DIAPH2: variants seen among roughly 807,000 people sequenced by gnomAD.
DIAPH2 encodes protein diaphanous homolog 2.
DIAPH2 carries 35 observed loss-of-function variants against 92.7 expected under a neutral mutation model. That is an observed-to-expected ratio of 0.38 (90% CI 0.29 to 0.50). DIAPH2 has a LOEUF of 0.50. DIAPH2 is among the 20% of genes least tolerant of loss of function. The pLI is 0.94. For synonymous variants in DIAPH2, 301 were observed against 280.4 expected (o/e 1.07, Z -0.73); for missense variants, 701 against 819.5 (o/e 0.86, Z 1.77).
intron 21 of DIAPH2, among the ~76,000 whole-genome samples, chrX:97,115,704 A>G (rs1263424608): frequency 8.9e-6 from 1 of 112,031 alleles, no homozygotes; most frequent in African/African-American, 3.2e-5. Flanking sequence ...ATACTCTTCA[A>G]TGTCAAGTAG....
At position 97,073,006 on chromosome X, in the gene DIAPH2, C is replaced by A. The variant is rs776169316; in HGVS notation, c.2116C>A (p.Leu706Met). 1 of 1,203,024 alleles carries A rather than the reference C, an allele frequency of 8.3e-7. No individual in the cohort carries two copies. Among genetic ancestry groups the A allele is most frequent in the South Asian group, 1.8e-5 (1 of 55,485 alleles). ...GCCTACAAAGAAGAAAGTGAAAGAA[C>A]TGAGAATTTTGGATCCCAAAACAGC... ...TGPTKKKVKE[L>M]RILDPKTAQN... Residue 706 changes from leucine to methionine, a missense_variant, in exon 18 of 27, where the codon CTG becomes ATG. By Grantham distance (15) the Leu-to-Met change is conservative (BLOSUM62 2). This residue lies in a region of DIAPH2 where 536 missense variants were observed against 599.3 expected (regional missense o/e 0.89). Transcript: ENST00000324765.
At chrX:97,057,892 A>G (rs1456634866) in intron 17 of DIAPH2, among the ~76,000 whole-genome samples, 3 of 110,442 alleles carry the variant, frequency 2.7e-5, no homozygotes, top group Admixed American at 9.6e-5. Flanking sequence ...TCTAAACAAT[A>G]ATTTTCAGTT....
At chrX:97,302,113 T>G (rs1345043037) in intron 23 of DIAPH2, among the ~76,000 whole-genome samples, 2 of 101,478 alleles carry the variant, frequency 2.0e-5, no homozygotes, top group Non-Finnish European at 3.9e-5. Flanking sequence ...TTCAGGAGGT[T>G]GAAGCAGGAG....
intron 4 of DIAPH2, among the ~76,000 whole-genome samples, chrX:96,818,799 C>G (rs1310722167): frequency 1.8e-5 from 2 of 112,546 alleles, no homozygotes; most frequent in Non-Finnish European, 3.7e-5. Flanking sequence ...TTGCTGCTTT[C>G]AATATAACAA....
intron 4 of DIAPH2, among the ~76,000 whole-genome samples, chrX:96,841,774 A>G (rs1364296589): frequency 8.9e-6 from 1 of 112,332 alleles, no homozygotes; most frequent in African/African-American, 3.2e-5. Context: ...CTGTGAAGAG[A>G]CCACCAAACA....
At chrX:97,163,324 G>A (rs989229782) in intron 22 of DIAPH2, among the ~76,000 whole-genome samples, 1 of 110,596 alleles carries the variant, frequency 9.0e-6, no homozygotes, top group African/African-American at 3.3e-5. Context: ...GCCATAGTGG[G>A]GGCTACAAGC....
At chrX:97,232,516 C>A (rs143987487) in intron 22 of DIAPH2, among the ~76,000 whole-genome samples, 1 of 111,531 alleles carries the variant, frequency 9.0e-6, no homozygotes. Flanking sequence ...TGTGAGCCAT[C>A]GCACCCGGCC....
chrX:97,008,592 A>T (rs2066201218), intron 17 of DIAPH2, among the ~76,000 whole-genome samples: 1 of 111,427 alleles, frequency 9.0e-6, no homozygotes, highest in South Asian at 3.8e-4. Flanking sequence ...AAGGGACCTG[A>T]CTATTGTGAT....
intron 26 of DIAPH2, among the ~76,000 whole-genome samples, chrX:97,536,319 A>C (rs997554566): frequency 8.9e-6 from 1 of 111,975 alleles, no homozygotes; most frequent in African/African-American, 3.2e-5. Context: ...AAGCACTCAG[A>C]TATAGTATTG....
chrX:96,995,945 G>GA (rs1275030294), intron 17 of DIAPH2, among the ~76,000 whole-genome samples: 1 of 109,815 alleles, frequency 9.1e-6, no homozygotes, highest in Non-Finnish European at 1.9e-5. Flanking sequence ...AACTAGGCTT[G>GA]AAAAAAAGAA....
At chrX:97,119,884 C>A (rs1041753564) in intron 21 of DIAPH2, among the ~76,000 whole-genome samples, 10 of 111,879 alleles carry the variant, frequency 8.9e-5, no homozygotes, top group African/African-American at 2.3e-4. Flanking sequence ...GCTGGCCCCA[C>A]TCCCACCATG....
intron 17 of DIAPH2, among the ~76,000 whole-genome samples, chrX:97,005,908 CTTTT>C (rs58056111): frequency 8.8e-5 from 6 of 68,150 alleles, no homozygotes; most frequent in Middle Eastern, 8.5e-3. Context: ...TGAAGTTTTT[CTTTT>C]TTTTTTTTTT....
At chrX:96,918,415 C>A in intron 8 of DIAPH2, 94 bp from the exon 9 acceptor site, 2 of 526,477 alleles carry the variant, frequency 3.8e-6, no homozygotes, top group Non-Finnish European at 6.1e-6. Context: ...ACATCAAATA[C>A]CAGAAAGAAA....
At chrX:97,288,756 A>C (rs2068566355) in intron 23 of DIAPH2, among the ~76,000 whole-genome samples, 1 of 108,959 alleles carries the variant, frequency 9.2e-6, no homozygotes, top group Non-Finnish European at 1.9e-5. Flanking sequence ...AAAAAAAAAA[A>C]ACACCGATTC....
intron 23 of DIAPH2, among the ~76,000 whole-genome samples, chrX:97,283,891 G>A (rs1192944302): frequency 8.9e-6 from 1 of 112,261 alleles, no homozygotes; most frequent in Non-Finnish European, 1.9e-5. Flanking sequence ...GCAGTGAGTC[G>A]AGATCGCACC....
chrX:96,785,102 G>A (rs2064445495), intron 4 of DIAPH2, among the ~76,000 whole-genome samples: 2 of 111,930 alleles, frequency 1.8e-5, no homozygotes, highest in Admixed American at 9.5e-5. Context: ...TAGGAGGGGA[G>A]TTAAATGGAT....
chrX:97,297,480 T>C (rs2147621534), intron 23 of DIAPH2, among the ~76,000 whole-genome samples: 1 of 110,766 alleles, frequency 9.0e-6, no homozygotes, highest in South Asian at 3.9e-4. Flanking sequence ...TTTCTGTCAA[T>C]TTTCCTGTAG....
At chrX:97,398,316 G>A (rs1449708053) in intron 25 of DIAPH2, among the ~76,000 whole-genome samples, 1 of 111,891 alleles carries the variant, frequency 8.9e-6, no homozygotes, top group South Asian at 3.8e-4. Context: ...GTTTTGAGGG[G>A]AAATCGAGAT....
At chrX:97,467,195 C>T (rs1276951295) in intron 26 of DIAPH2, among the ~76,000 whole-genome samples, 2 of 111,647 alleles carry the variant, frequency 1.8e-5, no homozygotes, top group African/African-American at 6.5e-5. Context: ...AGGAAAAGTC[C>T]ATCATAAAAG....
Sources: allele counts gnomAD v4.1 joint callset (sites outside exome capture counted in the v4.1 genomes callset), GRCh38; gene constraint gnomAD v4.1.1; regional missense constraint gnomAD v4.1.1; transcripts MANE v1.5; gene names NCBI Gene and HGNC (gene_info 2026-07-23, HGNC 2026-07-21).